SMPD4: variants seen among roughly 807,000 people sequenced by gnomAD.
SMPD4 encodes the protein sphingomyelin phosphodiesterase 4.
SMPD4 carries 58 observed loss-of-function variants against 97.8 expected under a neutral mutation model. The observed-to-expected ratio is 0.59, with a 90% CI of 0.48 to 0.74. SMPD4 has a LOEUF of 0.74. SMPD4 is among the 30% of genes least tolerant of loss of function. SMPD4 has a pLI of 0.00. For synonymous variants in SMPD4, 388 were observed against 450.0 expected (o/e 0.86, Z 1.74); for missense variants, 853 against 1,080.5 (o/e 0.79, Z 2.95).
intron 8 of SMPD4, among the ~76,000 whole-genome samples, chr2:130,170,458 C>CAAACAAAAAAAAAAAA (rs1553438101): frequency 3.1e-5 from 2 of 64,676 alleles, no homozygotes; most frequent in Admixed American, 2.0e-4. Context: ...AAGACCCTGT[C>CAAACAAAAAAAAAAAA]AAAAAAAAAA....
At chr2:130,178,969 C>A (rs542286654) in intron 1 of SMPD4, among the ~76,000 whole-genome samples, 228 of 152,220 alleles carry the variant, frequency 1.5e-3, no homozygotes, top group South Asian at 3.3e-3. Flanking sequence ...CCAGCTCTGC[C>A]CACTGCACAA....
chr2:130,154,174 A>G (rs1435855723), intron 16 of SMPD4, 103 bp downstream of exon 16: 1 of 1,366,278 alleles, frequency 7.3e-7, no homozygotes, highest in Non-Finnish European at 9.8e-7. Flanking sequence ...CGTCAAATCT[A>G]TACCCAGCCT....
At chr2:130,179,363 C>T (rs1049105418) in intron 1 of SMPD4, among the ~76,000 whole-genome samples, 1 of 151,904 alleles carries the variant, frequency 6.6e-6, no homozygotes, top group Admixed American at 6.6e-5. Context: ...CCTCGTGATC[C>T]GCCTGCCTCG....
chr2:130,160,637 T>C (rs1291609418), intron 11 of SMPD4, among the ~76,000 whole-genome samples: 5 of 152,194 alleles, frequency 3.3e-5, no homozygotes, highest in African/African-American at 9.6e-5. Flanking sequence ...TGTCAAGGAC[T>C]GACAGCTTCT....
intron 8 of SMPD4, among the ~76,000 whole-genome samples, chr2:130,167,811 T>G (rs767940785): frequency 6.6e-6 from 1 of 152,282 alleles, no homozygotes; most frequent in African/African-American, 2.4e-5. Context: ...AGAGTGACCA[T>G]TGACCCACAA....
Position 130,175,113 on chromosome 2 carries a change from A to C in SMPD4, c.40-113T>G, listed in dbSNP as rs185487187. The C allele has an allele frequency of 2.7e-6, 2 of 732,984 alleles. 1 individual carries two copies. Among genetic ancestry groups the C allele is most frequent in the African/African-American group, 3.5e-5 (2 of 57,766 alleles). 45.4% of individuals were successfully genotyped at this position (732,984 alleles called of 1,614,324 possible). ...AAGCAATAGGTTATGAGTCAGACCC[A>C]TAACCTCTGGCCTGGTTCCCCAGCC... On this transcript the variant is annotated intron_variant, in intron 2 of 19. Coordinates refer to ENST00000680298, the MANE Select transcript of SMPD4 (RefSeq NM_017951.5).
intron 18 of SMPD4, 28 bp from the exon 19 acceptor site, chr2:130,153,199 C>A (rs535668738): frequency 1.9e-6 from 3 of 1,613,538 alleles, no homozygotes; most frequent in Admixed American, 3.3e-5. Flanking sequence ...GGGGATGGGT[C>A]AGAAAACACA....
At chr2:130,156,255 G>A (rs1486994198) in intron 13 of SMPD4, 120 bp from the exon 14 acceptor site, 8 of 869,516 alleles carry the variant, frequency 9.2e-6, no homozygotes, top group Admixed American at 4.8e-5. Flanking sequence ...TCCAGAGGGC[G>A]CAGGAGAGAC....
intron 8 of SMPD4, among the ~76,000 whole-genome samples, chr2:130,167,921 T>G (rs915621840): frequency 3.3e-5 from 5 of 152,050 alleles, no homozygotes; most frequent in African/African-American, 9.7e-5. Context: ...GGCATGGGGG[T>G]TCACACCTGT....
chr2:130,153,225 C>CA lies in SMPD4; in HGVS notation c.2026-55dup, dbSNP rs908950539. 9.9e-6 allele frequency: 16 copies of CA among 1,613,192 alleles called. No homozygotes were observed. The African/African-American group carries it at 1.7e-4, about 17-fold the overall frequency. ...AGAAAACACAGCCCCACACACAACT[C>CA]AGAGGAGCCTGATGGCCTCTGCTCA... On this transcript the variant is annotated intron_variant, in intron 18 of 19. Transcript: ENST00000680298.
chr2:130,175,235 C>G lies in SMPD4; in HGVS notation c.40-235G>C, dbSNP rs191265614. Among the ~76,000 whole-genome samples, 31 of 152,284 alleles carry G rather than the reference C, an allele frequency of 2.0e-4. No homozygotes were observed. In the East Asian group the frequency reaches 2.1e-3, roughly 10 times the overall value. On this transcript the variant is annotated intron_variant, in intron 2 of 19. Coordinates refer to ENST00000680298, the MANE Select transcript of SMPD4 (RefSeq NM_017951.5). ...CTATCAGCCTTGTTTCCCAGTACCC[C>G]CTCAGAGTGCTGCACATGATCAGAA...
chr2:130,158,312 G>A, intron 11 of SMPD4: 3 of 1,199,844 alleles, frequency 2.5e-6, no homozygotes, highest in Non-Finnish European at 3.2e-6. Context: ...AAGCATATTA[G>A]GCCAAACTTT....
At chr2:130,162,976 C>T (rs1196887028) in intron 10 of SMPD4, among the ~76,000 whole-genome samples, 1 of 152,242 alleles carries the variant, frequency 6.6e-6, no homozygotes, top group Non-Finnish European at 1.5e-5. Context: ...ACAGGGACAG[C>T]CCCCTGCCCT....
In SMPD4 at chr2:130,153,764, T is replaced by G. The variant is rs1686472829; in HGVS notation, c.1831A>C (p.Ser611Arg). ...ANDLDEMGQD[S>R]VRKTDEYLEK... ...AGGTATTCATCTGTCTTCCGGACAC[T>G]GTCTTGCCCCATCTCGTCCAGGTCG... Residue 611 changes from serine to arginine, a missense_variant, in exon 17 of 20, where the codon AGT becomes CGT. Physicochemically the swap from Ser to Arg is moderately radical, Grantham distance 110. Coordinates refer to ENST00000680298, the MANE Select transcript of SMPD4 (RefSeq NM_017951.5). The G allele has an allele frequency of 4.3e-6, 7 of 1,613,878 alleles. No homozygotes were observed. The East Asian group carries it at 1.6e-4, about 36-fold the overall frequency.
Position 130,155,142 on chromosome 2 carries a change from C to T in SMPD4, c.1407G>A (p.Val469=), listed in dbSNP as rs761813476. ...GGTTGGGCTGGGCAAAGACTTTGGC[C>T]ACTCGGAACACCATGAGCGCGTGCT... ...SPKHALMVFR[V]AKVFAQPNLA... Residue 469 remains valine (V), a synonymous_variant, in exon 15 of 20, where the codon GTG becomes GTA. Transcript: ENST00000680298. The T allele has an allele frequency of 1.2e-6, 2 of 1,614,200 alleles. No individual in the cohort carries two copies. Among genetic ancestry groups the T allele is most frequent in the Admixed American group, 3.3e-5 (2 of 60,026 alleles).
At chr2:130,157,616 T>C (rs887645676) in intron 11 of SMPD4, 198 of 928,274 alleles carry the variant, frequency 2.1e-4, no homozygotes, top group Non-Finnish European at 2.9e-4. Flanking sequence ...GCTTGTGGTA[T>C]GGAAGTGCTT....
chr2:130,156,905 A>G, intron 12 of SMPD4: 2 of 1,202,250 alleles, frequency 1.7e-6, no homozygotes, highest in Non-Finnish European at 1.2e-6. Flanking sequence ...ACTCCTGCAC[A>G]CACCTCACCC....
chr2:130,171,923 G>A lies in SMPD4; in HGVS notation c.659+426C>T, dbSNP rs1032889395. 2.0e-4 allele frequency among the ~76,000 whole-genome samples: 31 copies of A among 152,352 alleles called. No homozygotes were observed. The East Asian group carries it at 2.1e-3, about 10-fold the overall frequency. On this transcript the variant is annotated intron_variant, in intron 8 of 19. Coordinates refer to ENST00000680298, the MANE Select transcript of SMPD4 (RefSeq NM_017951.5). ...CCTGTGCAGGCACGCATCAGGCTCA[G>A]CCTGTTTGGACTGACAAAACAGGCT...
At chr2:130,159,358 G>A (rs1337686662) in intron 11 of SMPD4, among the ~76,000 whole-genome samples, 1 of 152,136 alleles carries the variant, frequency 6.6e-6, no homozygotes, top group Non-Finnish European at 1.5e-5. Flanking sequence ...GGAAGAAAGG[G>A]CCAGGTGCGG....
Sources: allele counts gnomAD v4.1 joint callset (sites outside exome capture counted in the v4.1 genomes callset), GRCh38; gene constraint gnomAD v4.1.1; transcripts MANE v1.5; gene names NCBI Gene and HGNC (gene_info 2026-07-23, HGNC 2026-07-21).